Variants in MYO9B observed in about 807,000 individuals in gnomAD.
MYO9B encodes unconventional myosin-IXb.
MYO9B carries 71 observed loss-of-function variants against 229.5 expected under a neutral mutation model. The observed-to-expected ratio is 0.31, with a 90% CI of 0.26 to 0.38. The LOEUF (loss-of-function observed/expected upper bound fraction) is 0.38. MYO9B is among the 10% of genes least tolerant of loss of function. The pLI, the probability that MYO9B is intolerant of heterozygous loss-of-function variation, is 1.00. For synonymous variants in MYO9B, 1,185 were observed against 1,235.8 expected, an observed-to-expected ratio of 0.96 and a Z score of 0.86; for missense variants, 2,255 against 2,920.5, an observed-to-expected ratio of 0.77 and a Z score of 5.25.
At position 17,198,375 on chromosome 19, in the gene MYO9B, C is replaced by A. The variant is rs1010908127; in HGVS notation, c.4238+67C>A. The A allele has an allele frequency of 3.2e-5, 51 of 1,596,254 alleles. No homozygotes were observed. In the African/African-American group the frequency reaches 6.3e-4, roughly 20 times the overall value. ...GCCCGGGGTCCCTGCCAGGGCCTCG[C>A]AGCAGTGTGGCCTCCTAAACCAATC... On this transcript the variant is annotated intron_variant, in intron 24 of 39. Coordinates refer to ENST00000682292, the MANE Select transcript of MYO9B (RefSeq NM_004145.4).
chr19:17,199,428 CCTT>C (rs1251170037), intron 24 of MYO9B, among the ~76,000 whole-genome samples: 2 of 152,034 alleles, frequency 1.3e-5, no homozygotes, highest in South Asian at 2.1e-4. Context: ...TGTTTGGTAT[CCTT>C]CTTTCTTCAC....
intron 7 of MYO9B, among the ~76,000 whole-genome samples, chr19:17,158,593 T>TAA (rs77913861): frequency 2.2e-5 from 3 of 137,952 alleles, no homozygotes; most frequent in Admixed American, 7.3e-5. Context: ...AGACTCCATC[T>TAA]AAAAAAAAAA....
chr19:17,120,332 A>T (rs1213829178), intron 2 of MYO9B, among the ~76,000 whole-genome samples: 1 of 152,190 alleles, frequency 6.6e-6, no homozygotes, highest in Non-Finnish European at 1.5e-5. Flanking sequence ...ATTGGATTCA[A>T]AGGAGATTAT....
chr19:17,200,569 G>T, intron 25 of MYO9B, 70 bp from the exon 26 acceptor site: 1 of 1,523,952 alleles, frequency 6.6e-7, no homozygotes. Context: ...GGATAAAGGC[G>T]TGCCATAGGA....
intron 20 of MYO9B, among the ~76,000 whole-genome samples, chr19:17,191,716 G>T (rs1426886224): frequency 1.3e-5 from 2 of 151,876 alleles, no homozygotes; most frequent in Non-Finnish European, 2.9e-5. Flanking sequence ...TGGCATGCAC[G>T]CAGAGTCCCA....
intron 14 of MYO9B, among the ~76,000 whole-genome samples, chr19:17,176,941 C>T (rs1367679708): frequency 6.6e-6 from 1 of 152,208 alleles, no homozygotes; most frequent in East Asian, 1.9e-4. Context: ...TGGTGCACGC[C>T]TGTAATCCCA....
chr19:17,192,003 G>T (rs1445178732), intron 20 of MYO9B, among the ~76,000 whole-genome samples: 3 of 151,654 alleles, frequency 2.0e-5, no homozygotes, highest in Non-Finnish European at 4.4e-5. Flanking sequence ...TTGCTCTGTT[G>T]CCCAGACAGG....
At chr19:17,104,056 A>G (rs1280537535) in intron 2 of MYO9B, among the ~76,000 whole-genome samples, 2 of 11,306 alleles carry the variant, frequency 1.8e-4, no homozygotes, top group Non-Finnish European at 3.5e-4. Flanking sequence ...ACTCCATCTC[A>G]AAAAAAAAAA....
chr19:17,189,822 G>C (rs2072961306), intron 19 of MYO9B, among the ~76,000 whole-genome samples: 1 of 152,026 alleles, frequency 6.6e-6, no homozygotes, highest in African/African-American at 2.4e-5. Flanking sequence ...CCAGCACTTT[G>C]GGAGCCTGAG....
chr19:17,096,187 ATGGTG>A (rs1270419023), intron 1 of MYO9B, among the ~76,000 whole-genome samples: 1 of 152,148 alleles, frequency 6.6e-6, no homozygotes, highest in African/African-American at 2.4e-5. Flanking sequence ...ACCATATTCC[ATGGTG>A]TGGTCAGTGT....
chr19:17,146,623 TG>T (rs1436972067), intron 3 of MYO9B, among the ~76,000 whole-genome samples: 2 of 152,118 alleles, frequency 1.3e-5, no homozygotes, highest in African/African-American at 4.8e-5. Context: ...TATTCATAGA[TG>T]GATGAGTAGA....
intron 2 of MYO9B, among the ~76,000 whole-genome samples, chr19:17,124,826 C>T (rs529603403): frequency 3.4e-5 from 5 of 148,912 alleles, no homozygotes; most frequent in Admixed American, 3.3e-4. Context: ...CAGTGACAAA[C>T]ACCCGTATGT....
chr19:17,146,568 T>C (rs532678886), intron 3 of MYO9B, among the ~76,000 whole-genome samples: 10 of 151,994 alleles, frequency 6.6e-5, no homozygotes, highest in South Asian at 4.2e-4. Flanking sequence ...GATAGATAGA[T>C]GGATTCATGG....
intron 33 of MYO9B, 64 bp from the exon 34 acceptor site, chr19:17,206,615 G>C (rs572288777): frequency 4.1e-5 from 58 of 1,429,550 alleles, no homozygotes; most frequent in Middle Eastern, 1.7e-4. Flanking sequence ...GGTCGTGTTG[G>C]TGGGGACAAC....
chr19:17,146,553 G>A (rs1018834415), intron 3 of MYO9B, among the ~76,000 whole-genome samples: 7 of 151,662 alleles, frequency 4.6e-5, no homozygotes, highest in African/African-American at 1.7e-4. Flanking sequence ...ATGGGTGGAT[G>A]GATGGATAGA....
At chr19:17,139,715 G>A (rs1034013307) in intron 2 of MYO9B, among the ~76,000 whole-genome samples, 9 of 152,234 alleles carry the variant, frequency 5.9e-5, no homozygotes, top group Non-Finnish European at 1.2e-4. Flanking sequence ...CTCTAGCCTG[G>A]GCGACAGAGT....
At chr19:17,076,956 C>T (rs2057490976) in intron 1 of MYO9B, among the ~76,000 whole-genome samples, 1 of 152,152 alleles carries the variant, frequency 6.6e-6, no homozygotes. Flanking sequence ...CCTTTCTTTC[C>T]TGGGCACCCT....
Position 17,175,702 on chromosome 19 carries a change from T to G in MYO9B, c.2180T>G (p.Leu727Arg), listed in dbSNP as rs201432545. ...SPGAQSHPEE[L>R]PRGASTPSEK... ...GGTGCCCAAAGTCACCCAGAAGAGC[T>G]GCCAAGAGGAGCCAGCACCCCTTCG... Residue 727 changes from leucine to arginine, a missense_variant, in exon 14 of 40, where the codon CTG becomes CGG. By Grantham distance (102) the Leu-to-Arg change is moderately radical (BLOSUM62 -2). This residue lies in a region of MYO9B where 155 missense variants were observed against 159.1 expected (regional missense o/e 0.97). Coordinates refer to ENST00000682292, the MANE Select transcript of MYO9B (RefSeq NM_004145.4). 3.6e-5 allele frequency: 57 copies of G among 1,575,484 alleles called. No individual in the cohort carries two copies. The highest frequency in any genetic ancestry group is 4.1e-5 in the Non-Finnish European group (48 of 1,160,972).
chr19:17,136,814 G>A (rs2072275891), intron 2 of MYO9B, among the ~76,000 whole-genome samples: 4 of 152,140 alleles, frequency 2.6e-5, no homozygotes, highest in South Asian at 2.1e-4. Flanking sequence ...AGGTCAGACC[G>A]GGCCCAGTGG....
Sources: allele counts gnomAD v4.1 joint callset (sites outside exome capture counted in the v4.1 genomes callset), GRCh38; gene constraint gnomAD v4.1.1; regional missense constraint gnomAD v4.1.1; transcripts MANE v1.5; gene names NCBI Gene and HGNC (gene_info 2026-07-23, HGNC 2026-07-21).